Variants in SLC5A10 observed in about 807,000 individuals in gnomAD.
The protein encoded by SLC5A10 is sodium/mannose cotransporter SLC5A10.
A neutral mutation model predicts 68.9 loss-of-function variants in SLC5A10; 55 were observed. The ratio of observed to expected loss-of-function variants is 0.80; its 90% CI spans 0.64 to 1.00. The LOEUF (loss-of-function observed/expected upper bound fraction) is 1.00. Ranked by LOEUF, SLC5A10 falls within the 50% of genes least tolerant of loss-of-function variation. SLC5A10 has a pLI of 0.00. For missense variants in SLC5A10, 732 were observed against 819.3 expected (o/e 0.89, Z 1.30); for synonymous variants, 344 against 344.8 (o/e 1.00, Z 0.02).
rs398041580 is a variant in SLC5A10 at position 18,955,085 on chromosome 17, C to CA, written c.111+2794dup. ...TGGGCAAAAGAGTGAAACACTGTAT[C>CA]AAAAAAAAAAAAAAAAAAAAAAAAA... On this transcript the variant is annotated intron_variant, in intron 1 of 14. Transcript: ENST00000395645. Among the ~76,000 whole-genome samples the CA allele has an allele frequency of 2.1e-3, 251 of 118,768 alleles. 2 individuals carry two copies. Among genetic ancestry groups the CA allele is most frequent in the Middle Eastern group, 4.1e-3 (1 of 242 alleles). 77.9% of individuals were successfully genotyped at this position (118,768 alleles called of 152,430 possible).
In SLC5A10 at chr17:19,003,574, G is replaced by A; in HGVS notation, c.983-9836G>A. The A allele has an allele frequency of 2.5e-6, 4 of 1,591,780 alleles. No homozygotes were observed. The highest frequency in any genetic ancestry group is 1.8e-5 in the Admixed American group (1 of 56,252). On this transcript the variant is annotated intron_variant, in intron 9 of 14. Transcript: ENST00000395645. The surrounding 1 kb of genome is among the most constrained non-coding windows in gnomAD (Gnocchi z 4.5). ...CCACCTCTTTGATGTGGGCCTGCCC[G>A]TCTATGGGGGGCTGCATGTAGACGC... is the stretch of plus-strand genomic sequence containing the variant.
At chr17:18,993,926 G>T (rs1350459564) in intron 9 of SLC5A10, among the ~76,000 whole-genome samples, 1 of 152,166 alleles carries the variant, frequency 6.6e-6, no homozygotes. Flanking sequence ...CCCTAGCAGG[G>T]GATCCACAAA....
At chr17:18,978,268 C>T (rs2043037200) in intron 9 of SLC5A10, 1 of 1,609,054 alleles carries the variant, frequency 6.2e-7, no homozygotes, top group East Asian at 2.2e-5. Flanking sequence ...GCCTGCTGTC[C>T]TGGCTCTGCT....
chr17:18,972,236 G>T (rs556862977), intron 8 of SLC5A10, among the ~76,000 whole-genome samples: 1 of 152,302 alleles, frequency 6.6e-6, no homozygotes, highest in African/African-American at 2.4e-5. Flanking sequence ...GCATGGGGGT[G>T]GGAAAAGGCC....
rs781718949 is a variant in SLC5A10, at chr17:18,978,235, G to A, written c.982+1246G>A. On this transcript the variant is annotated intron_variant, in intron 9 of 14. Coordinates refer to ENST00000395645, the MANE Select transcript of SLC5A10 (RefSeq NM_001042450.4). ...CGTCCTGGGGGGCACTGGGCTCTGG[G>A]GGAGGGCAAGGCTCTGGACGGGGCC... 10 of 1,590,104 alleles carry A rather than the reference G, an allele frequency of 6.3e-6. No homozygotes were observed. The South Asian group carries it at 1.0e-4, about 16-fold the overall frequency.
chr17:18,990,263 G>A (rs1291364368), intron 9 of SLC5A10, among the ~76,000 whole-genome samples: 1 of 152,198 alleles, frequency 6.6e-6, no homozygotes, highest in African/African-American at 2.4e-5. Flanking sequence ...GGGGGTAGAT[G>A]ATAGGGCAGA....
intron 5 of SLC5A10, among the ~76,000 whole-genome samples, chr17:18,965,431 G>T (rs2042690544): frequency 1.3e-5 from 2 of 152,222 alleles, no homozygotes; most frequent in African/African-American, 4.8e-5. Context: ...CGAAGGATGG[G>T]AGATATAAGT....
chr17:18,965,253 C>T lies in SLC5A10; in HGVS notation c.454-3799C>T, dbSNP rs555933340. On this transcript the variant is annotated intron_variant, in intron 5 of 14. Transcript: ENST00000395645. ...TGGAGACGGAATCCATAGCAGTGGC[C>T]GGTGGGTCAGAGGCGGGGAGTGTGG... Among the ~76,000 whole-genome samples the T allele has an allele frequency of 5.3e-5, 8 of 152,048 alleles. No homozygotes were observed. The East Asian group carries it at 9.7e-4, about 18-fold the overall frequency.
intron 9 of SLC5A10, among the ~76,000 whole-genome samples, chr17:18,984,041 C>T (rs986149183): frequency 5.9e-5 from 9 of 152,178 alleles, no homozygotes; most frequent in Admixed American, 2.0e-4. Flanking sequence ...GAATCCCCCC[C>T]GTTTGAGAAC....
rs1168195547 is a variant in SLC5A10, at chr17:19,015,208, G to A, written c.1241+9G>A. 1.4e-6 allele frequency: 2 copies of A among 1,421,762 alleles called. No homozygotes were observed. The highest frequency in any genetic ancestry group is 1.9e-6 in the Non-Finnish European group (2 of 1,033,346). 88.1% of individuals were successfully genotyped at this position (1,421,762 alleles called of 1,614,324 possible). ...CTCCTGCTGGTGGGACGGTACGGGG[G>A]TGGGGGCCAGTACGGGGGTGGGGGA... is the stretch of plus-strand genomic sequence containing the variant. On this transcript the variant is annotated intron_variant, in intron 11 of 14. Transcript: ENST00000395645.
chr17:18,985,200 GACCGAAGGCCC>G (rs1207860419), intron 9 of SLC5A10, among the ~76,000 whole-genome samples: 1 of 152,186 alleles, frequency 6.6e-6, no homozygotes. Flanking sequence ...GGGAGCTCGT[GACCGAAGGCCC>G]ACCGCACAAA....
In SLC5A10 at chr17:19,003,543, T is replaced by C; in HGVS notation, c.983-9867T>C. On this transcript the variant is annotated intron_variant, in intron 9 of 14. Coordinates refer to ENST00000395645, the MANE Select transcript of SLC5A10 (RefSeq NM_001042450.4). This position sits in a 1 kb window ranked among gnomAD's most constrained non-coding sequence, Gnocchi z 4.5. ...ACCTTCTGTGCCTGGCTGATCATCT[T>C]CCGCACCACCTCTTTGATGTGGGCC... 2.6e-6 allele frequency: 4 copies of C among 1,547,578 alleles called. No homozygotes were observed. Among genetic ancestry groups the C allele is most frequent in the Non-Finnish European group, 3.5e-6 (4 of 1,146,836 alleles).
In SLC5A10 at chr17:18,988,628, C is replaced by G. The variant is rs527624969; in HGVS notation, c.982+11639C>G. Among the ~76,000 whole-genome samples, 420 of 152,364 alleles carry G rather than the reference C, an allele frequency of 2.8e-3. 1 individual carries two copies. The highest frequency in any genetic ancestry group is 5.2e-3 in the Non-Finnish European group (353 of 68,036). ...GTTGCAGTCCCAGCTCTGGGCTCAG[C>G]CCAGGGGCCCTGTGTTGGTGCATTC... On this transcript the variant is annotated intron_variant, in intron 9 of 14. Transcript: ENST00000395645.
Position 19,018,046 on chromosome 17 carries a change from G to C in SLC5A10, c.1242-1377G>C, listed in dbSNP as rs2044177234. The C allele has an allele frequency of 6.6e-6, 1 of 152,582 alleles. No individual in the cohort carries two copies. Among genetic ancestry groups the C allele is most frequent in the African/African-American group, 2.4e-5 (1 of 41,460 alleles). 9.5% of individuals were successfully genotyped at this position (152,582 alleles called of 1,614,324 possible). On this transcript the variant is annotated intron_variant, in intron 11 of 14. Transcript: ENST00000395645. This position sits in a 1 kb window ranked among gnomAD's most constrained non-coding sequence, Gnocchi z 4.2. The stretch of plus-strand genomic sequence containing the variant: ...ATGGAGGCCCGCCTGGGCCTTTGAT[G>C]AGGGCAGCGCCCGCCTGCCTGCCTG...
chr17:18,994,983 C>G (rs1195764626), intron 9 of SLC5A10, among the ~76,000 whole-genome samples: 1 of 152,250 alleles, frequency 6.6e-6, no homozygotes, highest in South Asian at 2.1e-4. Context: ...TAAAGCTTGA[C>G]AGGAAGCCAC....
upstream of SLC5A10, among the ~76,000 whole-genome samples, chr17:18,951,359 G>A (rs774134148): frequency 7.1e-5 from 8 of 112,824 alleles, no homozygotes; most frequent in African/African-American, 1.0e-4. Context: ...GCGTAATGGC[G>A]GATGGCCATT....
chr17:18,974,790 C>A (rs1194529543), intron 8 of SLC5A10, among the ~76,000 whole-genome samples: 1 of 152,186 alleles, frequency 6.6e-6, no homozygotes, highest in East Asian at 1.9e-4. Flanking sequence ...GATGAGGAGC[C>A]CAAGGTGAAA....
chr17:19,002,467 G>A (rs1447287166), intron 9 of SLC5A10, among the ~76,000 whole-genome samples: 2 of 152,170 alleles, frequency 1.3e-5, no homozygotes, highest in East Asian at 1.9e-4. Flanking sequence ...GATGGTCCCC[G>A]AAGCCAGCAT....
At chr17:19,008,813 ATTT>A (rs1207007118) in intron 9 of SLC5A10, among the ~76,000 whole-genome samples, 34 of 146,088 alleles carry the variant, frequency 2.3e-4, no homozygotes, top group African/African-American at 6.8e-4. Context: ...TATTATTATT[ATTT>A]TTTTTTTTTT....
Sources: allele counts gnomAD v4.1 joint callset (sites outside exome capture counted in the v4.1 genomes callset), GRCh38; gene constraint gnomAD v4.1.1; non-coding constraint Gnocchi (gnomAD v3.1); transcripts MANE v1.5; gene names NCBI Gene and HGNC (gene_info 2026-07-23, HGNC 2026-07-21).